The following SH2D4A variants were observed in gnomAD, a reference collection of about 807,000 sequenced individuals.
SH2D4A encodes SH2 domain containing 4A.
Under a neutral mutation model 64.7 loss-of-function variants are expected in SH2D4A, and 70 were observed. The observed-to-expected ratio is 1.08, with a 90% CI of 0.89 to 1.32. SH2D4A has a LOEUF of 1.32. SH2D4A is among the 40% of genes most tolerant of loss of function. The pLI is 0.00. For synonymous variants in SH2D4A, 268 were observed against 200.7 expected (o/e 1.34, Z -2.83); for missense variants, 706 against 540.1 (o/e 1.31, Z -3.04).
At chr8:19,322,047 T>C (rs1395310849) in intron 2 of SH2D4A, among the ~76,000 whole-genome samples, 1 of 152,204 alleles carries the variant, frequency 6.6e-6, no homozygotes, top group South Asian at 2.1e-4. Context: ...ACGTCAAAAG[T>C]GTATTACTCC....
intron 3 of SH2D4A, 78 bp from the exon 4 acceptor site, chr8:19,334,608 G>A: frequency 6.9e-7 from 1 of 1,456,504 alleles, no homozygotes; most frequent in Non-Finnish European, 9.2e-7. Context: ...CACATAATTT[G>A]AATGTCGACA....
chr8:19,335,011 C>G (rs906891230), intron 4 of SH2D4A, among the ~76,000 whole-genome samples, 154 bp downstream of exon 4: 2 of 152,060 alleles, frequency 1.3e-5, no homozygotes, highest in Non-Finnish European at 2.9e-5. Flanking sequence ...AGGGCAGGCA[C>G]GGTGGCTCAT....
At chr8:19,344,328 T>C (rs2052578486) in intron 4 of SH2D4A, among the ~76,000 whole-genome samples, 1 of 152,090 alleles carries the variant, frequency 6.6e-6, no homozygotes, top group Admixed American at 6.6e-5. Context: ...AATGAATCAG[T>C]GGGAGGCCCT....
At chr8:19,353,784 G>A (rs1199509704) in intron 4 of SH2D4A, among the ~76,000 whole-genome samples, 2 of 149,120 alleles carry the variant, frequency 1.3e-5, no homozygotes, top group African/African-American at 4.9e-5. Flanking sequence ...GTATCTAAAT[G>A]AGCCTGCTTT....
chr8:19,364,238 G>T lies in SH2D4A; in HGVS notation c.873G>T (p.Lys291Asn), dbSNP rs368870063. ...QKPERPPLPP[K>N]PQFLNSGAYP... ...CAGAAAGACCTCCCCTTCCACCCAA[G>T]CCTCAGTTCCTAAACTCAGGGGCAT... Residue 291 changes from lysine (K) to asparagine (N), a missense_variant, in exon 7 of 10, where the codon AAG becomes AAT. By Grantham distance (94) the Lys-to-Asn change is moderately conservative (BLOSUM62 0). Coordinates refer to ENST00000265807, the MANE Select transcript of SH2D4A (RefSeq NM_022071.4). 8 of 1,614,066 alleles carry T rather than the reference G, an allele frequency of 5.0e-6. No homozygotes were observed. Among genetic ancestry groups the T allele is most frequent in the Non-Finnish European group, 5.9e-6 (7 of 1,180,010 alleles).
At chr8:19,371,939 G>C (rs185011790) in intron 7 of SH2D4A, among the ~76,000 whole-genome samples, 1 of 151,988 alleles carries the variant, frequency 6.6e-6, no homozygotes, top group African/African-American at 2.4e-5. Flanking sequence ...AATTGACTCT[G>C]TTCTTTCTTG....
intron 7 of SH2D4A, among the ~76,000 whole-genome samples, chr8:19,365,193 C>T (rs935514047): frequency 6.6e-6 from 1 of 152,168 alleles, no homozygotes; most frequent in Non-Finnish European, 1.5e-5. Flanking sequence ...TGTCTTTAAA[C>T]AGGAGTGATG....
rs1024349503 is a variant in SH2D4A, at chr8:19,338,990, G to A, written c.513+4133G>A. ...CACAATAGGCCATCTGCAAGCTGAG[G>A]AGCCAGCAAGCCGGTACAAGTCCCC... On this transcript the variant is annotated intron_variant, in intron 4 of 9. Coordinates refer to ENST00000265807, the MANE Select transcript of SH2D4A (RefSeq NM_022071.4). 2.0e-5 allele frequency among the ~76,000 whole-genome samples: 3 copies of A among 152,204 alleles called. No homozygotes were observed. The South Asian group carries it at 6.2e-4, about 32-fold the overall frequency.
intron 1 of SH2D4A, among the ~76,000 whole-genome samples, chr8:19,319,036 G>C (rs945531636): frequency 2.4e-4 from 36 of 151,774 alleles, no homozygotes; most frequent in African/African-American, 7.7e-4. Context: ...TTAGGCTCTG[G>C]GGTAATAATG....
At chr8:19,374,098 A>T (rs1003893512) in intron 8 of SH2D4A, among the ~76,000 whole-genome samples, 1 of 152,210 alleles carries the variant, frequency 6.6e-6, no homozygotes, top group African/African-American at 2.4e-5. Flanking sequence ...AATCAATTTA[A>T]GCCTCATTTT....
intron 2 of SH2D4A, among the ~76,000 whole-genome samples, chr8:19,325,974 C>G (rs1454112164): frequency 6.6e-6 from 1 of 152,204 alleles, no homozygotes; most frequent in Non-Finnish European, 1.5e-5. Flanking sequence ...ATGATGGCAA[C>G]TTCACATCCC....
intron 4 of SH2D4A, among the ~76,000 whole-genome samples, chr8:19,336,139 T>C (rs2052442218): frequency 6.6e-6 from 1 of 152,150 alleles, no homozygotes; most frequent in Non-Finnish European, 1.5e-5. Flanking sequence ...CTAGAGACAT[T>C]TGTCCATTTT....
At chr8:19,360,296 T>G (rs1454842142) in intron 5 of SH2D4A, among the ~76,000 whole-genome samples, 2 of 122,982 alleles carry the variant, frequency 1.6e-5, no homozygotes, top group African/African-American at 3.4e-5. Flanking sequence ...TATTTTTCTG[T>G]TTTTTTTTTT....
In SH2D4A at chr8:19,364,148, C is replaced by A. The variant is rs370752682; in HGVS notation, c.783C>A (p.Ser261=). ...CACGAGAAGACTACAAGAGGTTATC[C>A]CTCGGGGCCCAGAAAGGAAGAGGCG... ...KQAREDYKRL[S]LGAQKGRGGE... The change falls in exon 7 of 10, where the codon TCC becomes TCA. Residue 261 remains serine (S), a synonymous_variant. Transcript: ENST00000265807. 3.1e-6 allele frequency: 5 copies of A among 1,613,988 alleles called. No homozygotes were observed. The highest frequency in any genetic ancestry group is 4.2e-6 in the Non-Finnish European group (5 of 1,180,006).
At chr8:19,391,357 C>T (rs957947826) in intron 8 of SH2D4A, among the ~76,000 whole-genome samples, 1 of 152,124 alleles carries the variant, frequency 6.6e-6, no homozygotes, top group African/African-American at 2.4e-5. Flanking sequence ...AACCAAGAGG[C>T]TTTCTGTGTC....
At position 19,339,589 on chromosome 8, in the gene SH2D4A, T is replaced by G. The variant is rs1469285572; in HGVS notation, c.513+4732T>G. On this transcript the variant is annotated intron_variant, in intron 4 of 9. Transcript: ENST00000265807. The stretch of plus-strand genomic sequence containing the variant: ...ATCATAGCTCACTGCTGCCTTGAAC[T>G]CCTGGGCTCAAGCAATACTCCTGTC... Among the ~76,000 whole-genome samples, 32 of 146,908 alleles carry G rather than the reference T, an allele frequency of 2.2e-4. No individual in the cohort carries two copies. The Admixed American group carries it at 2.2e-3, about 10-fold the overall frequency.
chr8:19,382,656 G>A (rs1319987227), intron 8 of SH2D4A, among the ~76,000 whole-genome samples: 8 of 151,848 alleles, frequency 5.3e-5, no homozygotes, highest in Admixed American at 2.0e-4. Flanking sequence ...ACTTATGCTG[G>A]GTTTATCAGG....
At position 19,393,550 on chromosome 8, in the gene SH2D4A, A is replaced by G. The variant is rs779032868; in HGVS notation, c.1272+9A>G. 3.7e-6 allele frequency: 6 copies of G among 1,613,342 alleles called. No homozygotes were observed. In the African/African-American group the frequency reaches 4.0e-5, roughly 11 times the overall value. ...TGGTGGAATATCACAAGGTGAAGCA[A>G]TGCATAAACTTAATTTGCCTTCTGA... is the stretch of plus-strand genomic sequence containing the variant. On this transcript the variant is annotated intron_variant, in intron 9 of 9. Transcript: ENST00000265807.
chr8:19,372,146 G>C (rs976297533), intron 7 of SH2D4A, among the ~76,000 whole-genome samples: 4 of 152,144 alleles, frequency 2.6e-5, no homozygotes, highest in Admixed American at 1.3e-4. Context: ...ACTCTCCACA[G>C]CCTGGCTTTA....
Sources: allele counts gnomAD v4.1 joint callset (sites outside exome capture counted in the v4.1 genomes callset), GRCh38; gene constraint gnomAD v4.1.1; transcripts MANE v1.5; gene names NCBI Gene and HGNC (gene_info 2026-07-23, HGNC 2026-07-21).